The following SYCP2L variants were observed in gnomAD, a reference collection of about 807,000 sequenced individuals.
SYCP2L encodes the protein synaptonemal complex protein 2-like.
SYCP2L carries 98 observed loss-of-function variants against 125.8 expected under a neutral mutation model. That is an observed-to-expected ratio of 0.78 (90% CI 0.66 to 0.92). The LOEUF is 0.92. Ranked by LOEUF, SYCP2L falls within the 40% of genes least tolerant of loss-of-function variation. The pLI is 0.00. For missense variants in SYCP2L, 842 were observed against 936.4 expected, an observed-to-expected ratio of 0.90 and a Z score of 1.32; for synonymous variants, 317 against 325.4, an observed-to-expected ratio of 0.97 and a Z score of 0.28.
At chr6:10,959,391 G>A (rs1781558926) in intron 26 of SYCP2L, among the ~76,000 whole-genome samples, 1 of 152,226 alleles carries the variant, frequency 6.6e-6, no homozygotes, top group Admixed American at 6.5e-5. Context: ...GGTTGCCAAA[G>A]GTTGGGGAAA....
At chr6:10,911,894 CTTTTTTT>C (rs58800098) in intron 12 of SYCP2L, among the ~76,000 whole-genome samples, 18 of 50,026 alleles carry the variant, frequency 3.6e-4, no homozygotes, top group Non-Finnish European at 3.7e-4. Context: ...GGAATAAAAG[CTTTTTTT>C]TTTTTTTTTT....
chr6:10,906,749 C>T (rs1033651772), intron 9 of SYCP2L, among the ~76,000 whole-genome samples: 7 of 151,730 alleles, frequency 4.6e-5, no homozygotes, highest in African/African-American at 7.3e-5. Flanking sequence ...AGGCACGCAC[C>T]GCCACACCTG....
chr6:10,925,526 G>T lies in SYCP2L; in HGVS notation c.1219-813G>T, dbSNP rs1315959155. Among the ~76,000 whole-genome samples, 4 of 152,310 alleles carry T rather than the reference G, an allele frequency of 2.6e-5. No individual in the cohort carries two copies. In the East Asian group the frequency reaches 7.7e-4, roughly 29 times the overall value. ...TATCACAGATGGTAGACAGGGCAAAGAAATTTGTGACAAAAGGCAAAAAAT... is the reference window on the plus strand; with the variant it reads ...TATCACAGATGGTAGACAGGGCAAATAAATTTGTGACAAAAGGCAAAAAAT... On this transcript the variant is annotated intron_variant, in intron 15 of 29. Transcript: ENST00000283141.
chr6:10,935,207 C>A lies in SYCP2L; in HGVS notation c.1813+20C>A. On this transcript the variant is annotated intron_variant, in intron 21 of 29. Transcript: ENST00000283141. ...AAACAGGTACATGATTTTCTGTTGA[C>A]TTACATAGGAAAAAATTTGTATTTG... 1 of 1,603,084 alleles carries A rather than the reference C, an allele frequency of 6.2e-7. No individual in the cohort carries two copies. The highest frequency in any genetic ancestry group is 1.1e-5 in the South Asian group (1 of 86,964).
intron 6 of SYCP2L, 74 bp from the exon 7 acceptor site, chr6:10,902,603 G>C: frequency 7.9e-7 from 1 of 1,264,654 alleles, no homozygotes; most frequent in South Asian, 1.3e-5. Context: ...TTAGTGAAAA[G>C]CTCTGACCGT....
intron 10 of SYCP2L, among the ~76,000 whole-genome samples, chr6:10,907,896 T>TTTTTTTTTTGTTTTG (rs1780528241): frequency 7.9e-6 from 1 of 126,970 alleles, no homozygotes; most frequent in African/African-American, 3.3e-5. Flanking sequence ...AGATAGGTTT[T>TTTTTTTTTTGTTTTG]TTTTTTTTTT....
At position 10,912,048 on chromosome 6, in the gene SYCP2L, T is replaced by C. The variant is rs558531546; in HGVS notation, c.919-625T>C. Among the ~76,000 whole-genome samples the C allele has an allele frequency of 7.2e-5, 11 of 151,872 alleles. No individual in the cohort carries two copies. Among genetic ancestry groups the C allele is most frequent in the Non-Finnish European group, 1.5e-4 (10 of 67,928 alleles). On this transcript the variant is annotated intron_variant, in intron 12 of 29. Transcript: ENST00000283141. This position sits in a 1 kb window ranked among gnomAD's most constrained non-coding sequence, Gnocchi z 4.1. The stretch of plus-strand genomic sequence containing the variant: ...TCCCGAGTATACTTGTTGATACATG[T>C]CTAGAAAACATCTGGGAGGAAACAA...
At chr6:10,927,929 T>G (rs887215786) in intron 17 of SYCP2L, among the ~76,000 whole-genome samples, 2 of 152,174 alleles carry the variant, frequency 1.3e-5, no homozygotes, top group Non-Finnish European at 2.9e-5. Flanking sequence ...AGAAAAAGAA[T>G]TCAGCGATAT....
At chr6:10,891,447 T>C in intron 1 of SYCP2L, 66 bp from the exon 2 acceptor site, 1 of 1,029,286 alleles carries the variant, frequency 9.7e-7, no homozygotes, top group African/African-American at 1.7e-5. Flanking sequence ...TTGCTTTGTG[T>C]TTAAAACTTG....
rs1164928860 is a variant in SYCP2L at position 10,905,167 on chromosome 6, GAAGA to G, written c.642-851_642-848del. Among the ~76,000 whole-genome samples, 3 of 97,028 alleles carry G rather than the reference GAAGA, an allele frequency of 3.1e-5. No individual in the cohort carries two copies. In the East Asian group the frequency reaches 9.0e-4, roughly 29 times the overall value. 63.7% of individuals were successfully genotyped at this position (97,028 alleles called of 152,430 possible). On this transcript the variant is annotated intron_variant, in intron 8 of 29. Transcript: ENST00000283141. ...CAAAAAAAAAAAAAAAAAAAAAAAA[GAAGA>G]AGATCGACTCACACTTGTTAGCATT...
chr6:10,941,849 G>A (rs1781226874), intron 21 of SYCP2L, among the ~76,000 whole-genome samples: 1 of 152,100 alleles, frequency 6.6e-6, no homozygotes. Flanking sequence ...AAAGACACAT[G>A]CACAGGTATA....
chr6:10,914,266 T>C (rs1780653006), intron 14 of SYCP2L, among the ~76,000 whole-genome samples: 3 of 152,166 alleles, frequency 2.0e-5, no homozygotes, highest in Admixed American at 1.3e-4. Context: ...CCAGCACCAT[T>C]TGTTGAAAAG....
intron 14 of SYCP2L, among the ~76,000 whole-genome samples, chr6:10,923,683 C>CTTTTTTTTTTTTTT (rs372980518): frequency 8.2e-6 from 1 of 122,344 alleles, no homozygotes; most frequent in South Asian, 2.7e-4. Context: ...TTTTCTTTTT[C>CTTTTTTTTTTTTTT]TTTTTTTTTT....
intron 14 of SYCP2L, among the ~76,000 whole-genome samples, chr6:10,919,477 G>A (rs1561687386): frequency 6.6e-6 from 1 of 152,176 alleles, no homozygotes; most frequent in Non-Finnish European, 1.5e-5. Flanking sequence ...TGATGGAGGT[G>A]GCAGTGGGGT....
At chr6:10,900,065 C>T (rs556483338) in intron 6 of SYCP2L, among the ~76,000 whole-genome samples, 75 of 152,332 alleles carry the variant, frequency 4.9e-4, no homozygotes, top group African/African-American at 1.8e-3. Flanking sequence ...TCACATAATG[C>T]TATAATGACT....
chr6:10,933,943 A>G (rs1781045162), intron 20 of SYCP2L, among the ~76,000 whole-genome samples: 1 of 152,226 alleles, frequency 6.6e-6, no homozygotes, highest in Non-Finnish European at 1.5e-5. Context: ...AAGCTGAGTA[A>G]AGGAAATATA....
chr6:10,963,961 ATTTTT>A, intron 29 of SYCP2L, 118 bp downstream of exon 29: 25 of 477,712 alleles, frequency 5.2e-5, no homozygotes, highest in Admixed American at 2.0e-4. Context: ...GAACTTCTCC[ATTTTT>A]TTTTTTTTTT....
At chr6:10,928,215 T>C (rs1780931664) in intron 17 of SYCP2L, among the ~76,000 whole-genome samples, 188 bp from the exon 18 acceptor site, 1 of 151,666 alleles carries the variant, frequency 6.6e-6, no homozygotes, top group African/African-American at 2.4e-5. Flanking sequence ...GGTATTGTGA[T>C]ACCCTTGTGA....
At chr6:10,933,586 T>G (rs1781037406) in intron 20 of SYCP2L, among the ~76,000 whole-genome samples, 1 of 152,210 alleles carries the variant, frequency 6.6e-6, no homozygotes, top group African/African-American at 2.4e-5. Flanking sequence ...GAGACCACAC[T>G]TCGAGTTATC....
Sources: gnomAD v4.1 joint callset for allele counts (sites outside exome capture counted in the v4.1 genomes callset) on GRCh38, gnomAD v4.1.1 for gene constraint, Gnocchi (gnomAD v3.1) non-coding constraint, MANE v1.5 for transcripts, NCBI Gene and HGNC (gene_info 2026-07-23, HGNC 2026-07-21) for gene names.